Variants in SPTSSA observed in about 807,000 individuals in gnomAD.
SPTSSA encodes the protein serine palmitoyltransferase small subunit A.
A neutral mutation model predicts 9.1 loss-of-function variants in SPTSSA; 8 were observed. The observed-to-expected ratio is 0.88, with a 90% confidence interval of 0.51 to 1.58. SPTSSA has a LOEUF of 1.58. SPTSSA is among the 40% of genes most tolerant of loss of function. SPTSSA has a pLI of 0.00. For synonymous variants in SPTSSA, 42 were observed against 37.7 expected (o/e 1.11, Z -0.41); for missense variants, 100 against 93.8 (o/e 1.07, Z -0.27).
chr14:34,453,100 G>A (rs1030848146), intron 1 of SPTSSA, among the ~76,000 whole-genome samples: 4 of 151,938 alleles, frequency 2.6e-5, no homozygotes, highest in East Asian at 1.9e-4. Context: ...TATGTTAATC[G>A]ACTGTTAATG....
intron 1 of SPTSSA, among the ~76,000 whole-genome samples, chr14:34,453,079 A>C (rs1353491244): frequency 2.0e-5 from 3 of 152,220 alleles, no homozygotes; most frequent in African/African-American, 7.2e-5. Flanking sequence ...TAATACATAT[A>C]ACATACAAAA....
intron 1 of SPTSSA, among the ~76,000 whole-genome samples, chr14:34,448,992 T>C (rs1413935443): frequency 6.6e-6 from 1 of 151,950 alleles, no homozygotes; most frequent in African/African-American, 2.4e-5. Context: ...AGAGTGAGAC[T>C]CTATCTAAAA....
chr14:34,458,757 T>G (rs1320465466), intron 1 of SPTSSA, among the ~76,000 whole-genome samples: 1 of 151,380 alleles, frequency 6.6e-6, no homozygotes, highest in Admixed American at 6.6e-5. Context: ...AGATTGACTT[T>G]CAATTTACAA....
At chr14:34,446,647 C>G (rs536121893) in intron 1 of SPTSSA, among the ~76,000 whole-genome samples, 4 of 152,250 alleles carry the variant, frequency 2.6e-5, no homozygotes, top group Non-Finnish European at 5.9e-5. Context: ...TGCCAGGAGG[C>G]CTTCCCTCTT....
At chr14:34,452,981 C>A (rs1430618761) in intron 1 of SPTSSA, among the ~76,000 whole-genome samples, 1 of 152,050 alleles carries the variant, frequency 6.6e-6, no homozygotes, top group Non-Finnish European at 1.5e-5. Flanking sequence ...TCTGCCTCTG[C>A]CACCCCTGAA....
intron 1 of SPTSSA, among the ~76,000 whole-genome samples, chr14:34,435,699 G>C (rs1181536797): frequency 1.9e-4 from 26 of 137,992 alleles, no homozygotes; most frequent in Non-Finnish European, 3.2e-4. Context: ...GCACGATCTC[G>C]GCTCACTGCA....
At position 34,432,999 on chromosome 14, in the gene SPTSSA, A is replaced by C. The variant is rs1039635536; in HGVS notation, c.*2202T>G. 7.9e-5 allele frequency: 12 copies of C among 152,186 alleles called. No individual in the cohort carries two copies. Among genetic ancestry groups the C allele is most frequent in the African/African-American group, 2.9e-4 (12 of 41,444 alleles). The allele number at this position is 152,186 out of a possible 1,614,324, so 9.4% of individuals were successfully genotyped here. On this transcript the variant is annotated 3_prime_UTR_variant, in exon 2 of 2. Coordinates refer to ENST00000298130, the MANE Select transcript of SPTSSA (RefSeq NM_138288.4). ...TGAAACTGAACCCACAATAACTACA[A>C]GGTATGCTTGTAAATACCTTATTTT...
At chr14:34,441,698 A>G (rs1883319298) in intron 1 of SPTSSA, among the ~76,000 whole-genome samples, 1 of 151,554 alleles carries the variant, frequency 6.6e-6, no homozygotes, top group African/African-American at 2.4e-5. Context: ...TTTCCCACCC[A>G]GGACCCATGT....
At chr14:34,449,226 G>C (rs139682650) in intron 1 of SPTSSA, among the ~76,000 whole-genome samples, 1 of 151,432 alleles carries the variant, frequency 6.6e-6, no homozygotes, top group Non-Finnish European at 1.5e-5. Flanking sequence ...GTGAAACCCC[G>C]TCTCTACAAA....
chr14:34,435,225 C>T lies in SPTSSA; in HGVS notation c.192G>A (p.Leu64=), dbSNP rs1460241482. ...GTCATTGTACGATTTCAAAGTAGTG[C>T]AATATCGCCATGATGTGCTGGGGCA... ...VFMPQHIMAI[L]HYFEIVQ is the part of the protein sequence containing the mutation. Residue 64 remains leucine (L), a synonymous_variant, in exon 2 of 2, where the codon TTG becomes TTA. Coordinates refer to ENST00000298130, the MANE Select transcript of SPTSSA (RefSeq NM_138288.4). The T allele has an allele frequency of 6.2e-7, 1 of 1,613,510 alleles. No individual in the cohort carries two copies. The highest frequency in any genetic ancestry group is 1.3e-5 in the African/African-American group (1 of 74,874).
chr14:34,442,717 T>TA (rs1883338867), intron 1 of SPTSSA, among the ~76,000 whole-genome samples: 1 of 152,206 alleles, frequency 6.6e-6, no homozygotes, highest in Non-Finnish European at 1.5e-5. Flanking sequence ...AGGGTCTGGT[T>TA]AACAGGTGAC....
At chr14:34,456,948 A>AATTATTATTATTATTATTATTATT (rs201859323) in intron 1 of SPTSSA, among the ~76,000 whole-genome samples, 3 of 146,196 alleles carry the variant, frequency 2.1e-5, no homozygotes, top group African/African-American at 7.5e-5. Context: ...TTCTGATTCA[A>AATTATTATTATTATTATTATTATT]ATTATTATTA....
Position 34,462,204 on chromosome 14 carries a change from C to T in SPTSSA, c.4G>A (p.Ala2Thr). The part of the protein sequence containing the change: M[A>T]GMALARAWKQ... ...CAGGCCCGCGCCAGCGCCATCCCCG[C>T]CATGCGCCTCCCGCGATGCAGCTCA... The change falls in exon 1 of 2, where the codon GCG becomes ACG. Residue 2 changes from alanine (A) to threonine (T), a missense_variant. By Grantham distance (58) the Ala-to-Thr change is moderately conservative. Transcript: ENST00000298130. The T allele has an allele frequency of 6.5e-7, 1 of 1,528,864 alleles. No homozygotes were observed. Among genetic ancestry groups the T allele is most frequent in the East Asian group, 2.8e-5 (1 of 35,814 alleles). The allele number at this position is 1,528,864 out of a possible 1,614,324, so 94.7% of individuals were successfully genotyped here. A position where few individuals can be genotyped will look rare whatever the true frequency, so the allele number is the denominator to read the frequency against.
rs1429125402 is a variant in SPTSSA, at chr14:34,435,019, T to G, written c.*182A>C. The G allele has an allele frequency of 1.4e-5, 6 of 420,994 alleles. No individual in the cohort carries two copies. The East Asian group carries it at 1.8e-4, about 13-fold the overall frequency. The allele number at this position is 420,994 out of a possible 1,614,324, so 26.1% of individuals were successfully genotyped here. A position where few individuals can be genotyped will look rare whatever the true frequency, so the allele number is the denominator to read the frequency against. On this transcript the variant is annotated 3_prime_UTR_variant, in exon 2 of 2. Coordinates refer to ENST00000298130, the MANE Select transcript of SPTSSA (RefSeq NM_138288.4). ...TGCTATACAAGAGCCTCTTTGAAAA[T>G]TAAAAATAAAGAACACAACACATGA... is the stretch of plus-strand genomic sequence containing the variant.
At chr14:34,441,247 C>T (rs994059341) in intron 1 of SPTSSA, among the ~76,000 whole-genome samples, 3 of 152,114 alleles carry the variant, frequency 2.0e-5, no homozygotes, top group Admixed American at 6.6e-5. Context: ...AACATAAGGC[C>T]GATTCACACT....
intron 1 of SPTSSA, among the ~76,000 whole-genome samples, chr14:34,459,484 G>GAAAAT (rs57805348): frequency 0.16 from 23,590 of 147,522 alleles, 1,966 homozygotes; most frequent in East Asian, 0.28. Flanking sequence ...AAAAGAAAAA[G>GAAAAT]AAGAAAATTA....
intron 1 of SPTSSA, among the ~76,000 whole-genome samples, chr14:34,458,190 T>C (rs1878529098): frequency 6.8e-6 from 1 of 146,976 alleles, no homozygotes; most frequent in Non-Finnish European, 1.5e-5. Flanking sequence ...TCAAAAATAC[T>C]TATATTCAAT....
intron 1 of SPTSSA, among the ~76,000 whole-genome samples, chr14:34,436,318 CCTCT>C (rs1193241155): frequency 6.6e-6 from 1 of 152,028 alleles, no homozygotes; most frequent in East Asian, 1.9e-4. Flanking sequence ...CAACAAGAGG[CCTCT>C]CTCTGGGGCC....
intron 1 of SPTSSA, among the ~76,000 whole-genome samples, chr14:34,455,091 A>G (rs1025742200): frequency 2.7e-5 from 4 of 150,074 alleles, no homozygotes; most frequent in African/African-American, 9.8e-5. Flanking sequence ...CATCTTGAGA[A>G]AAAAAAAAAA....
Sources: allele counts gnomAD v4.1 joint callset (sites outside exome capture counted in the v4.1 genomes callset), GRCh38; gene constraint gnomAD v4.1.1; transcripts MANE v1.5; gene names NCBI Gene and HGNC (gene_info 2026-07-23, HGNC 2026-07-21).